The following CDH13 variants were observed in gnomAD, a reference collection of about 807,000 sequenced individuals.
CDH13 encodes the protein cadherin 13, also known as cadherin-13.
In CDH13, 24 loss-of-function variants were observed where a neutral mutation model predicts 63.8. The observed-to-expected ratio is 0.38, with a 90% CI of 0.27 to 0.53. CDH13 has a LOEUF of 0.53. Among genes scored for constraint, CDH13 ranks in the 20% least tolerant of loss-of-function variants. CDH13 has a pLI of 0.85. For synonymous variants in CDH13, 503 were observed against 355.3 expected, an observed-to-expected ratio of 1.42 and a Z score of -4.67; for missense variants, 1,049 against 903.1, an observed-to-expected ratio of 1.16 and a Z score of -2.07.
chr16:83,083,203 A>G (rs1245693109), intron 3 of CDH13, among the ~76,000 whole-genome samples: 1 of 152,248 alleles, frequency 6.6e-6, no homozygotes, highest in Non-Finnish European at 1.5e-5. Context: ...AGTTTTAAAT[A>G]CAGCATCTTA....
At chr16:82,913,571 T>G (rs893389644) in intron 2 of CDH13, among the ~76,000 whole-genome samples, 1 of 152,042 alleles carries the variant, frequency 6.6e-6, no homozygotes, top group African/African-American at 2.4e-5. Context: ...ATGAGGCAAT[T>G]TGGGGAAACA....
chr16:83,606,726 C>CAA (rs11424833), intron 8 of CDH13, among the ~76,000 whole-genome samples: 3,178 of 138,340 alleles, frequency 0.023, 143 homozygotes, highest in African/African-American at 0.08. Flanking sequence ...GACCCAGTTT[C>CAA]AAAAAAAAAA....
chr16:83,685,532 A>G (rs1319115985), intron 10 of CDH13, among the ~76,000 whole-genome samples: 1 of 152,208 alleles, frequency 6.6e-6, no homozygotes, highest in Non-Finnish European at 1.5e-5. Flanking sequence ...ACGCTGTGCT[A>G]GGTGCTGTAA....
At chr16:83,202,464 C>A (rs572819644) in intron 4 of CDH13, among the ~76,000 whole-genome samples, 1 of 152,296 alleles carries the variant, frequency 6.6e-6, no homozygotes, top group African/African-American at 2.4e-5. Context: ...TTGGAAGAGA[C>A]AGTAGCGGCT....
chr16:82,931,462 A>G (rs977792162), intron 2 of CDH13, among the ~76,000 whole-genome samples: 1 of 152,020 alleles, frequency 6.6e-6, no homozygotes, highest in African/African-American at 2.4e-5. Context: ...AATGAAGTTT[A>G]GAAGTTCTAT....
intron 5 of CDH13, among the ~76,000 whole-genome samples, chr16:83,280,733 G>T (rs1210335750): frequency 6.6e-6 from 1 of 152,150 alleles, no homozygotes; most frequent in Admixed American, 6.5e-5. Flanking sequence ...AATGTCTTTT[G>T]AAAGTCAAAA....
At chr16:82,653,027 G>A (rs1485706035) in intron 1 of CDH13, among the ~76,000 whole-genome samples, 4 of 152,216 alleles carry the variant, frequency 2.6e-5, no homozygotes, top group African/African-American at 9.6e-5. Flanking sequence ...GTGACCCCAG[G>A]ATGTTGTAAT....
chr16:82,672,768 TACACACACACACAC>T (rs58819198), intron 1 of CDH13, among the ~76,000 whole-genome samples: 1 of 144,674 alleles, frequency 6.9e-6, no homozygotes, highest in South Asian at 2.3e-4. Flanking sequence ...TATATATGTG[TACACACACACACAC>T]ACACACACAC....
chr16:83,514,848 G>T (rs907167809), intron 7 of CDH13, among the ~76,000 whole-genome samples: 1 of 152,128 alleles, frequency 6.6e-6, no homozygotes, highest in East Asian at 1.9e-4. Flanking sequence ...GACTCTTGTA[G>T]ATGTCTTCTT....
At chr16:83,716,644 C>T (rs867674433) in intron 10 of CDH13, among the ~76,000 whole-genome samples, 9 of 152,018 alleles carry the variant, frequency 5.9e-5, no homozygotes, top group Non-Finnish European at 1.2e-4. Context: ...CCACCACACC[C>T]GGTTAATTTT....
At chr16:82,850,104 A>C (rs930187221) in intron 1 of CDH13, among the ~76,000 whole-genome samples, 3 of 152,346 alleles carry the variant, frequency 2.0e-5, no homozygotes, top group Admixed American at 6.5e-5. Flanking sequence ...AAAGAAATAC[A>C]TTTTGTAAGG....
intron 5 of CDH13, among the ~76,000 whole-genome samples, chr16:83,309,228 T>C (rs1372181511): frequency 6.6e-6 from 1 of 152,220 alleles, no homozygotes; most frequent in African/African-American, 2.4e-5. Context: ...AAAGGGATTT[T>C]TGCAATGACT....
intron 6 of CDH13, among the ~76,000 whole-genome samples, chr16:83,407,702 C>G (rs371584492): frequency 2.6e-5 from 4 of 152,010 alleles, no homozygotes; most frequent in African/African-American, 7.3e-5. Flanking sequence ...AATTTAATTC[C>G]CAGGAGGCAT....
intron 3 of CDH13, among the ~76,000 whole-genome samples, chr16:83,066,493 C>T (rs1158022441): frequency 6.6e-6 from 1 of 152,172 alleles, no homozygotes; most frequent in Non-Finnish European, 1.5e-5. Flanking sequence ...AAGAGAAGAA[C>T]TGCCTCTTAG....
In CDH13 at chr16:83,569,186, C is replaced by G. The variant is rs527517489; in HGVS notation, c.961-33268C>G. Among the ~76,000 whole-genome samples, 3 of 152,266 alleles carry G rather than the reference C, an allele frequency of 2.0e-5. No homozygotes were observed. The South Asian group carries it at 6.2e-4, about 32-fold the overall frequency. ...ATGCTCTTCCTCCAGCCTTTGCACT[C>G]TTTCCTTCCCTCGTCCACCTGGGAG... is the stretch of plus-strand genomic sequence containing the variant. On this transcript the variant is annotated intron_variant, in intron 7 of 13. Coordinates refer to ENST00000567109, the MANE Select transcript of CDH13 (RefSeq NM_001257.5).
chr16:83,604,282 G>A (rs968348845), intron 8 of CDH13, among the ~76,000 whole-genome samples: 1 of 152,082 alleles, frequency 6.6e-6, no homozygotes. Context: ...GACTTCCCAT[G>A]GCAGGGTTCC....
chr16:83,634,490 T>A (rs1911080636), intron 8 of CDH13, among the ~76,000 whole-genome samples: 1 of 150,764 alleles, frequency 6.6e-6, no homozygotes, highest in East Asian at 1.9e-4. Context: ...GACCTCCGCC[T>A]CCCAGGTTTA....
At chr16:83,043,490 A>AGT (rs67312035) in intron 3 of CDH13, among the ~76,000 whole-genome samples, 7,522 of 132,160 alleles carry the variant, frequency 0.057, 179 homozygotes, top group Non-Finnish European at 0.065. Context: ...TGTATATATG[A>AGT]GTGTGTGTGT....
intron 5 of CDH13, among the ~76,000 whole-genome samples, chr16:83,259,024 C>T (rs1244041401): frequency 6.6e-6 from 1 of 152,138 alleles, no homozygotes; most frequent in Non-Finnish European, 1.5e-5. Context: ...CCCATCATTG[C>T]CAGCCTTGTA....
Sources: gnomAD v4.1 joint callset for allele counts (sites outside exome capture counted in the v4.1 genomes callset) on GRCh38, gnomAD v4.1.1 for gene constraint, MANE v1.5 for transcripts, NCBI Gene and HGNC (gene_info 2026-07-23, HGNC 2026-07-21) for gene names.